ZNF133: variants seen among roughly 807,000 people sequenced by gnomAD.
The protein encoded by ZNF133 is zinc finger protein 133.
ZNF133 carries 26 observed loss-of-function variants against 54.9 expected under a neutral mutation model. That is an observed-to-expected ratio of 0.47 (90% CI 0.35 to 0.66). The LOEUF (loss-of-function observed/expected upper bound fraction) is 0.66, where lower values mean the gene tolerates loss of function less well. ZNF133 is among the 30% of genes least tolerant of loss of function. The pLI is 0.01. For synonymous variants in ZNF133, 298 were observed against 320.3 expected (o/e 0.93, Z 0.74); for missense variants, 653 against 820.8 (o/e 0.80, Z 2.50).
At chr20:18,289,941 C>A (rs187077731) in intron 1 of ZNF133, 18 of 152,398 alleles carry the variant, frequency 1.2e-4, no homozygotes, top group African/African-American at 4.3e-4. Flanking sequence ...TACTGCCCTG[C>A]TGGAGAGGAT....
At chr20:18,299,540 C>CAAG (rs2042925797) in intron 3 of ZNF133, among the ~76,000 whole-genome samples, 1 of 152,120 alleles carries the variant, frequency 6.6e-6, no homozygotes, top group South Asian at 2.1e-4. Flanking sequence ...TAATGGCTGA[C>CAAG]AACTTCCCAA....
At position 18,306,363 on chromosome 20, in the gene ZNF133, G is replaced by A. The variant is rs769708342; in HGVS notation, c.187G>A (p.Glu63Lys). 6.2e-7 allele frequency: 1 copy of A among 1,613,244 alleles called. No homozygotes were observed. The highest frequency in any genetic ancestry group is 1.7e-5 in the Admixed American group (1 of 59,898). Residue 63 changes from glutamate (E) to lysine (K), a missense_variant, in exon 6 of 7, where the codon GAA becomes AAA. This residue lies in a region of ZNF133 where 227 missense variants were observed against 233.9 expected (regional missense o/e 0.97). Transcript: ENST00000425686. ...LEQGKETWREEKKCSPATCPA... is the reference protein window; with the variant it reads ...LEQGKETWREKKKCSPATCPA... ...GCAAGGGAAAGAGACCTGGAGAGAG[G>A]AAAAAAAATGTTCACCGGCAACCTG...
intron 3 of ZNF133, among the ~76,000 whole-genome samples, chr20:18,304,075 C>G (rs766654465): frequency 2.6e-5 from 4 of 151,946 alleles, no homozygotes; most frequent in Non-Finnish European, 4.4e-5. Flanking sequence ...GAAGAACGCC[C>G]CAGCTTAAAA....
intron 1 of ZNF133, among the ~76,000 whole-genome samples, chr20:18,290,603 C>T (rs1391460567): frequency 6.6e-6 from 1 of 150,494 alleles, no homozygotes; most frequent in Non-Finnish European, 1.5e-5. Context: ...TTGTTTTCCC[C>T]CATTGTTAAA....
chr20:18,298,769 C>T (rs996239012), intron 3 of ZNF133, among the ~76,000 whole-genome samples: 18 of 152,166 alleles, frequency 1.2e-4, no homozygotes, highest in Non-Finnish European at 2.2e-4. Flanking sequence ...TGTTTTCCCC[C>T]ACTGAAGTTC....
chr20:18,298,211 T>A (rs1308232159), intron 2 of ZNF133, 78 bp from the exon 3 acceptor site: 2 of 1,499,750 alleles, frequency 1.3e-6, no homozygotes, highest in African/African-American at 2.8e-5. Context: ...GCAAAACCCA[T>A]GACACAGTTA....
chr20:18,314,795 G>T, intron 6 of ZNF133: 1 of 351,538 alleles, frequency 2.8e-6, no homozygotes, highest in Non-Finnish European at 5.1e-6. Flanking sequence ...AGGTGAGGGG[G>T]AACTGTTCCA....
Position 18,316,020 on chromosome 20 carries a change from G to T in ZNF133, c.1169G>T (p.Cys390Phe). 4 of 1,614,002 alleles carry T rather than the reference G, an allele frequency of 2.5e-6. No homozygotes were observed. The highest frequency in any genetic ancestry group is 3.4e-6 in the Non-Finnish European group (4 of 1,180,008). ...KPYACKECGR[C>F]FRQRTTLVNH... ...TACGCCTGCAAGGAGTGTGGGCGAT[G>T]CTTCAGGCAGAGGACCACCCTTGTC... Residue 390 changes from cysteine to phenylalanine, a missense_variant, in exon 7 of 7, where the codon TGC becomes TTC. Transcript: ENST00000425686.
At position 18,306,344 on chromosome 20, in the gene ZNF133, G is replaced by T. The variant is rs1219172852; in HGVS notation, c.168G>T (p.Gly56=). ...AACTCATCACCCAGCTGGAGCAAGG[G>T]AAAGAGACCTGGAGAGAGGAAAAAA... The part of the protein sequence containing the change: ...KPELITQLEQ[G]KETWREEKKC... Residue 56 remains glycine, a synonymous_variant, in exon 6 of 7, where the codon GGG becomes GGT. Coordinates refer to ENST00000425686, the MANE Select transcript of ZNF133 (RefSeq NM_001352452.2). 1.2e-6 allele frequency: 2 copies of T among 1,613,944 alleles called. No homozygotes were observed. The highest frequency in any genetic ancestry group is 3.3e-5 in the Admixed American group (2 of 59,968).
At chr20:18,304,622 A>C (rs1331481639) in intron 3 of ZNF133, among the ~76,000 whole-genome samples, 2 of 152,242 alleles carry the variant, frequency 1.3e-5, no homozygotes, top group African/African-American at 4.8e-5. Context: ...AAGCGAAATA[A>C]GTCAGACACA....
intron 3 of ZNF133, among the ~76,000 whole-genome samples, 182 bp from the exon 4 acceptor site, chr20:18,304,825 TA>T (rs1165570960): frequency 6.6e-6 from 1 of 152,090 alleles, no homozygotes; most frequent in African/African-American, 2.4e-5. Flanking sequence ...TTATTCCTCC[TA>T]GGGGGCCCTC....
At chr20:18,302,404 CAA>C (rs71194236) in intron 3 of ZNF133, among the ~76,000 whole-genome samples, 8,476 of 114,562 alleles carry the variant, frequency 0.074, 507 homozygotes, top group African/African-American at 0.2. Context: ...AACTCTGTCT[CAA>C]AAAAAAAAAA....
intron 3 of ZNF133, among the ~76,000 whole-genome samples, chr20:18,299,026 A>G (rs1020439543): frequency 3.3e-4 from 50 of 152,318 alleles, no homozygotes; most frequent in Middle Eastern, 3.4e-3. Flanking sequence ...ATAAGATTTA[A>G]ATGTCCAGTT....
At position 18,306,285 on chromosome 20, in the gene ZNF133, T is replaced by A. The variant is rs1159686131; in HGVS notation, c.122-13T>A. On this transcript the variant is annotated splice_polypyrimidine_tract_variant and intron_variant, in intron 5 of 6. Coordinates refer to ENST00000425686, the MANE Select transcript of ZNF133 (RefSeq NM_001352452.2). The stretch of plus-strand genomic sequence containing the variant: ...CCATAACCTAGTTACTTATTTTCTT[T>A]TCCTGTGAGCAGGAATTTCATTTTC... 2 of 1,610,760 alleles carry A rather than the reference T, an allele frequency of 1.2e-6. No individual in the cohort carries two copies.
In ZNF133 at chr20:18,315,949, G is replaced by C; in HGVS notation, c.1098G>C (p.Arg366Ser). Reference protein sequence around the residue: ...CSDCGLGFSDRSNLISHQRTH... With the variant: ...CSDCGLGFSDSSNLISHQRTH... The stretch of plus-strand genomic sequence containing the variant: ...ACTGTGGCCTGGGCTTCAGCGACAG[G>C]TCAAACCTCATCTCCCACCAGAGGA... Residue 366 changes from arginine to serine, a missense_variant, in exon 7 of 7, where the codon AGG becomes AGC. Physicochemically the swap from Arg to Ser is moderately radical, Grantham distance 110. Around this residue, in one of 4 missense-constraint regions of ZNF133, gnomAD observed 292 missense variants for 431.6 expected, o/e 0.68. Coordinates refer to ENST00000425686, the MANE Select transcript of ZNF133 (RefSeq NM_001352452.2). The C allele has an allele frequency of 1.9e-6, 3 of 1,613,452 alleles. No homozygotes were observed. Among genetic ancestry groups the C allele is most frequent in the South Asian group, 1.1e-5 (1 of 91,038 alleles).
At chr20:18,312,746 G>C (rs891929980) in intron 6 of ZNF133, 1 of 152,080 alleles carries the variant, frequency 6.6e-6, no homozygotes, top group Non-Finnish European at 1.5e-5. Context: ...ACAGAATCTT[G>C]CTCTGTTGCC....
At chr20:18,302,537 T>C (rs563788237) in intron 3 of ZNF133, among the ~76,000 whole-genome samples, 1 of 151,730 alleles carries the variant, frequency 6.6e-6, no homozygotes, top group Non-Finnish European at 1.5e-5. Flanking sequence ...TAACTAGAAA[T>C]AGAAGGAAAC....
chr20:18,306,158 C>T, intron 5 of ZNF133, 140 bp from the exon 6 acceptor site: 1 of 736,174 alleles, frequency 1.4e-6, no homozygotes, highest in Non-Finnish European at 2.2e-6. Context: ...TCATCCCTTC[C>T]ATTTCTGAGA....
In ZNF133 at chr20:18,290,520, A is replaced by G. The variant is rs1600307250; in HGVS notation, c.-432+1916A>G. On this transcript the variant is annotated intron_variant, in intron 1 of 6. Coordinates refer to ENST00000425686, the MANE Select transcript of ZNF133 (RefSeq NM_001352452.2). ...CACAATTTCATTGTTATACAGTTACATTGTTACAATTATATTTTGTTATAC... is the reference window on the plus strand; with the variant it reads ...CACAATTTCATTGTTATACAGTTACGTTGTTACAATTATATTTTGTTATAC... Among the ~76,000 whole-genome samples, 5 of 152,162 alleles carry G rather than the reference A, an allele frequency of 3.3e-5. No homozygotes were observed. In the East Asian group the frequency reaches 7.7e-4, roughly 23 times the overall value.
Sources: allele counts gnomAD v4.1 joint callset (sites outside exome capture counted in the v4.1 genomes callset), GRCh38; gene constraint gnomAD v4.1.1; regional missense constraint gnomAD v4.1.1; transcripts MANE v1.5; gene names NCBI Gene and HGNC (gene_info 2026-07-23, HGNC 2026-07-21).